The following CLCNKA variants were observed in gnomAD, a reference collection of about 807,000 sequenced individuals.
CLCNKA encodes the protein chloride voltage-gated channel Ka, also known as chloride channel protein ClC-Ka.
In CLCNKA, 66 loss-of-function variants were observed where a neutral mutation model predicts 83.3. The ratio of observed to expected loss-of-function variants is 0.79; its 90% CI spans 0.65 to 0.97. CLCNKA has a LOEUF of 0.97. CLCNKA is among the 50% of genes least tolerant of loss of function. CLCNKA has a pLI of 0.00. For missense variants in CLCNKA, 806 were observed against 888.7 expected, an observed-to-expected ratio of 0.91 and a Z score of 1.18; for synonymous variants, 357 against 370.4, an observed-to-expected ratio of 0.96 and a Z score of 0.42.
chr1:16,023,743 G>A, intron 2 of CLCNKA, 57 bp from the exon 3 acceptor site: 1 of 1,609,204 alleles, frequency 6.2e-7, no homozygotes, highest in African/African-American at 1.3e-5. Context: ...CTCCAGGGAA[G>A]GGGCTGTCTG....
At chr1:16,030,898 G>T (rs1450794011) in intron 15 of CLCNKA, among the ~76,000 whole-genome samples, 3 of 152,260 alleles carry the variant, frequency 2.0e-5, no homozygotes, top group Non-Finnish European at 2.9e-5. Flanking sequence ...CTAGGGGTCA[G>T]CTGGGCTTCA....
chr1:16,027,504 T>C (rs878869578), intron 8 of CLCNKA, 69 bp downstream of exon 8: 39 of 1,589,446 alleles, frequency 2.5e-5, no homozygotes, highest in African/African-American at 4.1e-5. Flanking sequence ...TCCCTTCTCC[T>C]CTGTGTACAT....
In CLCNKA at chr1:16,024,815, T is replaced by C. The variant is rs118025694; in HGVS notation, c.282T>C (p.Leu94=). Residue 94 remains leucine, a synonymous_variant, in exon 4 of 20, where the codon CTT becomes CTC. Transcript: ENST00000331433. ...EIGDSHLLRY[L]SWTVYPVALV... is the part of the protein sequence containing the mutation. ...GGGACAGCCACCTGCTCCGGTATCT[T>C]TCCTGGACTGTGTACCCTGTGGCCC... is the stretch of plus-strand genomic sequence containing the variant. 2.0e-4 allele frequency: 327 copies of C among 1,614,158 alleles called. 2 individuals are homozygous for C. In the East Asian group the frequency reaches 6.8e-3, roughly 34 times the overall value.
chr1:16,022,516 C>T, intron 1 of CLCNKA, 97 bp from the exon 2 acceptor site: 1 of 823,942 alleles, frequency 1.2e-6, no homozygotes, highest in East Asian at 2.7e-5. Flanking sequence ...ACAATCCTTC[C>T]TCTTCATTTG....
chr1:16,026,305 C>T (rs1246296815), intron 5 of CLCNKA, 58 bp downstream of exon 5: 1 of 1,540,348 alleles, frequency 6.5e-7, no homozygotes, highest in Non-Finnish European at 8.9e-7. Flanking sequence ...TGCCCCAGCT[C>T]TCCCCCATAC....
At chr1:16,032,637 T>C in intron 18 of CLCNKA, 111 bp downstream of exon 18, 7 of 816,526 alleles carry the variant, frequency 8.6e-6, no homozygotes, top group Non-Finnish European at 1.3e-5. Context: ...CATCTTATCC[T>C]GCTTCCTGCT....
At position 16,022,489 on chromosome 1, in the gene CLCNKA, A is replaced by AAC. The variant is rs142964147; in HGVS notation, c.-7-111_-7-110dup. On this transcript the variant is annotated intron_variant, in intron 1 of 19. Coordinates refer to ENST00000331433, the MANE Select transcript of CLCNKA (RefSeq NM_004070.4). ...AGGGCACACACAGACCTAGTGTGAT[A>AAC]ACACACACACACACGCACAATCCTT... The AAC allele has an allele frequency of 2.3e-3, 1,471 of 653,638 alleles. 11 individuals carry two copies. The African/African-American group carries it at 0.023, about 10-fold the overall frequency. The allele number at this position is 653,638 out of a possible 1,614,324, so 40.5% of individuals were successfully genotyped here. A position where few individuals can be genotyped will look rare whatever the true frequency, so the allele number is the denominator to read the frequency against.
At chr1:16,027,207 C>T in intron 7 of CLCNKA, 103 bp from the exon 8 acceptor site, 1 of 1,528,570 alleles carries the variant, frequency 6.5e-7, no homozygotes. Flanking sequence ...GGCTGTAGGA[C>T]AGCAGGACAG....
In CLCNKA at chr1:16,027,554, C is replaced by T. The variant is rs2022419656; in HGVS notation, c.781+119C>T. 4.8e-5 allele frequency: 73 copies of T among 1,525,742 alleles called. 1 individual carries two copies. The South Asian group carries it at 8.6e-4, about 18-fold the overall frequency. The allele number at this position is 1,525,742 out of a possible 1,614,324, so 94.5% of individuals were successfully genotyped here. On this transcript the variant is annotated intron_variant, in intron 8 of 19. Transcript: ENST00000331433. ...TTCCCTCTCTCTCCCTCTTTTCCCT[C>T]CTCCGTGTTCCCACCTCCTTCAGGG...
At chr1:16,024,056 T>G (rs752889613) in intron 3 of CLCNKA, 128 bp downstream of exon 3, 5 of 1,140,776 alleles carry the variant, frequency 4.4e-6, no homozygotes, top group Non-Finnish European at 6.5e-6. Flanking sequence ...CTGGCTCTAC[T>G]CCTGATTTGC....
chr1:16,027,189 C>T (rs901985964), intron 7 of CLCNKA, 121 bp from the exon 8 acceptor site: 101 of 1,442,836 alleles, frequency 7.0e-5, no homozygotes, highest in South Asian at 3.5e-4. Flanking sequence ...TCTGTCTGTC[C>T]CTGTCCGGGC....
intron 7 of CLCNKA, 37 bp from the exon 8 acceptor site, chr1:16,027,273 G>C (rs1477990886): frequency 6.2e-7 from 1 of 1,611,626 alleles, no homozygotes; most frequent in Admixed American, 1.7e-5. Context: ...CAGGTGGGTG[G>C]GGGTGGGGGC....
chr1:16,028,576 C>T (rs1312053556), intron 10 of CLCNKA, 185 bp from the exon 11 acceptor site: 6 of 752,066 alleles, frequency 8.0e-6, no homozygotes, highest in African/African-American at 1.7e-5. Context: ...AGGGGCTCAC[C>T]CCACGGGTTC....
intron 3 of CLCNKA, 122 bp from the exon 4 acceptor site, chr1:16,024,639 ACT>A (rs2022272302): frequency 7.5e-7 from 1 of 1,334,580 alleles, no homozygotes; most frequent in African/African-American, 1.4e-5. Flanking sequence ...TCTGCACCTC[ACT>A]CTGTGGCCTG....
Position 16,031,679 on chromosome 1 carries a change from C to T in CLCNKA, c.1623-31C>T, listed in dbSNP as rs776821486. 19 of 1,613,246 alleles carry T rather than the reference C, an allele frequency of 1.2e-5. 1 individual carries two copies. The highest frequency in any genetic ancestry group is 5.5e-5 in the South Asian group (5 of 91,076). On this transcript the variant is annotated intron_variant, in intron 15 of 19. Transcript: ENST00000331433. Reference sequence around the variant, plus strand: ...GGCCTGGGTCTGACATCCCCGACTCCGGGACCTGATGGGAGCCCCTCTGCC... The same window carrying T: ...GGCCTGGGTCTGACATCCCCGACTCTGGGACCTGATGGGAGCCCCTCTGCC...
In CLCNKA at chr1:16,028,065, C is replaced by T. The variant is rs2022445389; in HGVS notation, c.914C>T (p.Thr305Ile). ...LSCAYLFCQR[T>I]FLSFIKTNRY... ...TGTGCTTACCTCTTCTGTCAGCGAA[C>T]CTTCCTCAGCTTCATCAAGACCAAT... Residue 305 changes from threonine (T) to isoleucine (I), a missense_variant, in exon 10 of 20, where the codon ACC becomes ATC. Physicochemically the swap from Thr to Ile is moderately conservative, Grantham distance 89. Transcript: ENST00000331433. 1.3e-6 allele frequency: 2 copies of T among 1,590,998 alleles called. No homozygotes were observed. The highest frequency in any genetic ancestry group is 1.7e-6 in the Non-Finnish European group (2 of 1,160,076).
At position 16,027,179 on chromosome 1, in the gene CLCNKA, T is replaced by C. The variant is rs2022395031; in HGVS notation, c.656-131T>C. On this transcript the variant is annotated intron_variant, in intron 7 of 19. Coordinates refer to ENST00000331433, the MANE Select transcript of CLCNKA (RefSeq NM_004070.4). ...CAGGGCGCAAGCCCTGCCCTCCCCT[T>C]CTGTCTGTCCCTGTCCGGGCTGTAG... The C allele has an allele frequency of 5.1e-6, 7 of 1,371,512 alleles. No homozygotes were observed. In the Admixed American group the frequency reaches 7.3e-5, roughly 14 times the overall value. 85.0% of individuals were successfully genotyped at this position (1,371,512 alleles called of 1,614,324 possible).
intron 15 of CLCNKA, 24 bp downstream of exon 15, chr1:16,030,698 G>C: frequency 6.2e-7 from 1 of 1,612,988 alleles, no homozygotes; most frequent in South Asian, 1.1e-5. Flanking sequence ...ACCTCAGGCT[G>C]ACTGAAGGGG....
Position 16,033,133 on chromosome 1 carries a change from T to A in CLCNKA, c.1930-37T>A, listed in dbSNP as rs371559711. ...GGGCCAGAGGGTGGGCTGGGCGCCA[T>A]CTACCCTCCAGTGTTTCCTAACAAT... On this transcript the variant is annotated intron_variant, in intron 18 of 19. Coordinates refer to ENST00000331433, the MANE Select transcript of CLCNKA (RefSeq NM_004070.4). 6.2e-6 allele frequency: 10 copies of A among 1,604,260 alleles called. No homozygotes were observed. In the African/African-American group the frequency reaches 9.3e-5, roughly 15 times the overall value.
Sources: gnomAD v4.1 joint callset for allele counts (sites outside exome capture counted in the v4.1 genomes callset) on GRCh38, gnomAD v4.1.1 for gene constraint, MANE v1.5 for transcripts, NCBI Gene and HGNC (gene_info 2026-07-23, HGNC 2026-07-21) for gene names.